RIT2: variants seen among roughly 807,000 people sequenced by gnomAD.
The protein encoded by RIT2 is GTP-binding protein Rit2.
RIT2 carries 24 observed loss-of-function variants against 23.7 expected under a neutral mutation model. The ratio of observed to expected loss-of-function variants is 1.01; its 90% CI spans 0.73 to 1.43. RIT2 has a LOEUF of 1.43. Among genes scored for constraint, RIT2 ranks in the 40% most tolerant of loss-of-function variants. The probability of loss-of-function intolerance (pLI) is 0.00; values close to 1 mark genes in which losing one functional copy is unlikely to be tolerated. For missense variants in RIT2, 236 were observed against 266.9 expected, an observed-to-expected ratio of 0.88 and a Z score of 0.81; for synonymous variants, 107 against 91.1, an observed-to-expected ratio of 1.17 and a Z score of -0.99.
intron 4 of RIT2, among the ~76,000 whole-genome samples, chr18:42,882,708 A>T (rs987234851): frequency 6.6e-5 from 10 of 152,208 alleles, no homozygotes; most frequent in African/African-American, 2.4e-4. Context: ...CACTTCTGAC[A>T]AATGGGGTAG....
At chr18:43,073,241 A>T (rs1472606261) in intron 1 of RIT2, among the ~76,000 whole-genome samples, 1 of 152,080 alleles carries the variant, frequency 6.6e-6, no homozygotes, top group Non-Finnish European at 1.5e-5. Context: ...GTCCTCACTG[A>T]CCCTCTGAAG....
At chr18:42,791,554 C>T (rs1049575682) in intron 4 of RIT2, among the ~76,000 whole-genome samples, 1 of 152,202 alleles carries the variant, frequency 6.6e-6, no homozygotes, top group Non-Finnish European at 1.5e-5. Flanking sequence ...TATTTTTCCA[C>T]TTCCTTTATA....
intron 3 of RIT2, among the ~76,000 whole-genome samples, chr18:42,950,313 T>C (rs927320229): frequency 5.3e-5 from 8 of 152,040 alleles, no homozygotes; most frequent in African/African-American, 1.9e-4. Flanking sequence ...CCTTATTCAA[T>C]AAATGGTGCT....
At chr18:42,814,047 AAGC>A (rs1429178658) in intron 4 of RIT2, among the ~76,000 whole-genome samples, 1 of 152,174 alleles carries the variant, frequency 6.6e-6, no homozygotes, top group Non-Finnish European at 1.5e-5. Context: ...GGGGTAGAGG[AAGC>A]AGTGGGGTAA....
At chr18:43,094,994 C>T (rs538463327) in intron 1 of RIT2, among the ~76,000 whole-genome samples, 3 of 152,128 alleles carry the variant, frequency 2.0e-5, no homozygotes, top group African/African-American at 7.2e-5. Flanking sequence ...CAAGTCTTTG[C>T]TATTGTGAAT....
intron 3 of RIT2, among the ~76,000 whole-genome samples, chr18:42,966,911 C>T (rs529384766): frequency 6.6e-6 from 1 of 151,758 alleles, no homozygotes; most frequent in East Asian, 1.9e-4. Flanking sequence ...TACAACTGTA[C>T]CGTAGTTATG....
intron 1 of RIT2, among the ~76,000 whole-genome samples, chr18:43,078,557 T>A (rs1002948735): frequency 6.6e-6 from 1 of 152,164 alleles, no homozygotes; most frequent in African/African-American, 2.4e-5. Context: ...GCCTCATGGA[T>A]CCTTGCATCG....
chr18:43,092,632 G>A (rs1009524083), intron 1 of RIT2, among the ~76,000 whole-genome samples: 1 of 152,012 alleles, frequency 6.6e-6, no homozygotes, highest in African/African-American at 2.4e-5. Context: ...TACAAACTGA[G>A]AGGACCATGG....
At chr18:42,990,878 C>T (rs1219769724) in intron 2 of RIT2, among the ~76,000 whole-genome samples, 1 of 149,346 alleles carries the variant, frequency 6.7e-6, no homozygotes, top group African/African-American at 2.5e-5. Flanking sequence ...CTGTTAGACA[C>T]CAAAAGCTGC....
chr18:43,069,695 A>G (rs1386110488), intron 1 of RIT2, among the ~76,000 whole-genome samples: 1 of 152,100 alleles, frequency 6.6e-6, no homozygotes, highest in Non-Finnish European at 1.5e-5. Flanking sequence ...AAAATCTGAA[A>G]TCCTTGCCAA....
intron 2 of RIT2, among the ~76,000 whole-genome samples, chr18:42,987,527 C>T (rs891732362): frequency 6.6e-6 from 1 of 152,138 alleles, no homozygotes; most frequent in Admixed American, 6.6e-5. Context: ...CACTGGAACA[C>T]TTTATTGCAA....
rs73473626 is a variant in RIT2 at position 42,917,999 on chromosome 18, T to C, written c.426+5573A>G. Among the ~76,000 whole-genome samples, 680 of 152,294 alleles carry C rather than the reference T, an allele frequency of 4.5e-3. 6 individuals carry two copies. Among genetic ancestry groups the C allele is most frequent in the African/African-American group, 0.015 (639 of 41,562 alleles). On this transcript the variant is annotated intron_variant, in intron 4 of 4. Coordinates refer to ENST00000326695, the MANE Select transcript of RIT2 (RefSeq NM_002930.4). The stretch of plus-strand genomic sequence containing the variant: ...GCTCAGAACTGTGTACACATGTGTG[T>C]ATGTATGCATGCATATTTGAATGTG...
intron 2 of RIT2, among the ~76,000 whole-genome samples, chr18:43,011,233 A>T (rs1434978052): frequency 6.6e-6 from 1 of 151,778 alleles, no homozygotes; most frequent in Non-Finnish European, 1.5e-5. Flanking sequence ...CAGGAAGGTG[A>T]TACTGGCTAA....
intron 2 of RIT2, among the ~76,000 whole-genome samples, chr18:42,999,455 G>A (rs1430423367): frequency 6.6e-6 from 1 of 152,002 alleles, no homozygotes; most frequent in Non-Finnish European, 1.5e-5. Flanking sequence ...GGGGAAAAGT[G>A]ACATATTTAC....
intron 3 of RIT2, among the ~76,000 whole-genome samples, chr18:42,948,151 A>T (rs895495538): frequency 6.6e-6 from 1 of 152,138 alleles, no homozygotes; most frequent in African/African-American, 2.4e-5. Context: ...ATTACATTTA[A>T]TCTTATGCAG....
intron 3 of RIT2, among the ~76,000 whole-genome samples, chr18:42,945,901 A>C (rs1003403536): frequency 2.0e-5 from 3 of 152,164 alleles, no homozygotes; most frequent in African/African-American, 7.2e-5. Flanking sequence ...AAGTATTTGC[A>C]TGAGGAAAAT....
chr18:42,859,775 ATT>A (rs368488258), intron 4 of RIT2, among the ~76,000 whole-genome samples: 1 of 147,366 alleles, frequency 6.8e-6, no homozygotes, highest in Admixed American at 6.8e-5. Flanking sequence ...GTTCAAGTTA[ATT>A]TTTTTTTTTT....
chr18:43,090,048 T>TTAAAC, intron 1 of RIT2, among the ~76,000 whole-genome samples: 1 of 152,230 alleles, frequency 6.6e-6, no homozygotes, highest in East Asian at 1.9e-4. Flanking sequence ...TGGAATCTAA[T>TTAAAC]TAAACTAAAC....
intron 3 of RIT2, among the ~76,000 whole-genome samples, chr18:42,962,020 C>T (rs996652331): frequency 6.6e-6 from 1 of 152,032 alleles, no homozygotes; most frequent in African/African-American, 2.4e-5. Context: ...TGCTCCATAA[C>T]ACAACACCTT....
Sources: allele counts gnomAD v4.1 joint callset (sites outside exome capture counted in the v4.1 genomes callset), GRCh38; gene constraint gnomAD v4.1.1; transcripts MANE v1.5; gene names NCBI Gene and HGNC (gene_info 2026-07-23, HGNC 2026-07-21).